Variants in CCDC91 observed in about 807,000 individuals in gnomAD.
The protein encoded by CCDC91 is coiled-coil domain-containing protein 91.
A neutral mutation model predicts 63.2 loss-of-function variants in CCDC91; 48 were observed. That is an observed-to-expected ratio of 0.76 (90% confidence interval 0.60 to 0.97). The LOEUF (loss-of-function observed/expected upper bound fraction) is 0.97. CCDC91 is among the 50% of genes least tolerant of loss of function. The pLI is 0.00. For synonymous variants in CCDC91, 167 were observed against 165.8 expected (o/e 1.01, Z -0.06); for missense variants, 500 against 494.6 (o/e 1.01, Z -0.10).
intron 12 of CCDC91, among the ~76,000 whole-genome samples, chr12:28,502,241 A>G (rs894937033): frequency 5.3e-5 from 8 of 151,928 alleles, no homozygotes; most frequent in African/African-American, 1.9e-4. Context: ...AAGTCTCAGG[A>G]TACAAAATCA....
intron 1 of CCDC91, among the ~76,000 whole-genome samples, chr12:28,199,588 G>A (rs1212946928): frequency 2.0e-5 from 3 of 152,042 alleles, no homozygotes; most frequent in African/African-American, 4.8e-5. Flanking sequence ...TGTCCTTTCA[G>A]TTCAGCCTGA....
intron 1 of CCDC91, among the ~76,000 whole-genome samples, chr12:28,238,096 G>T (rs948748912): frequency 5.9e-5 from 9 of 152,026 alleles, no homozygotes; most frequent in Admixed American, 2.0e-4. Context: ...TATAAAGAAA[G>T]ATATATTTGT....
At chr12:28,277,445 C>A (rs1386642981) in intron 3 of CCDC91, among the ~76,000 whole-genome samples, 3 of 151,910 alleles carry the variant, frequency 2.0e-5, no homozygotes, top group Non-Finnish European at 4.4e-5. Flanking sequence ...TGGTAAGTAC[C>A]ATTATAGGTT....
At chr12:28,370,494 T>C (rs1436673903) in intron 7 of CCDC91, among the ~76,000 whole-genome samples, 2 of 152,214 alleles carry the variant, frequency 1.3e-5, no homozygotes, top group East Asian at 3.8e-4. Flanking sequence ...GTCAAAACCA[T>C]TCAACAAGTC....
In CCDC91 at chr12:28,394,267, C is replaced by G. The variant is rs374348297; in HGVS notation, c.762+2856C>G. On this transcript the variant is annotated intron_variant, in intron 8 of 12. Coordinates refer to ENST00000536442, the MANE Select transcript of CCDC91 (RefSeq NM_018318.5). ...CGATCACAAGGTCAGAAGATTGAGA[C>G]CATCCTGGCTAACAGGGTGAAACCC... Among the ~76,000 whole-genome samples the G allele has an allele frequency of 7.9e-4, 121 of 152,210 alleles. No individual in the cohort carries two copies. The South Asian group carries it at 0.012, about 15-fold the overall frequency.
chr12:28,480,382 T>C (rs1386274957), intron 11 of CCDC91, among the ~76,000 whole-genome samples: 2 of 151,992 alleles, frequency 1.3e-5, no homozygotes, highest in Non-Finnish European at 2.9e-5. Context: ...TAAGATCTCT[T>C]TTAGTGTATG....
intron 11 of CCDC91, among the ~76,000 whole-genome samples, chr12:28,453,700 C>T (rs1379746831): frequency 6.6e-6 from 1 of 151,754 alleles, no homozygotes; most frequent in Admixed American, 6.6e-5. Context: ...CTTACCGTAA[C>T]CTATCAATAA....
At chr12:28,254,259 A>G (rs988474213) in intron 1 of CCDC91, among the ~76,000 whole-genome samples, 2 of 152,198 alleles carry the variant, frequency 1.3e-5, no homozygotes, top group African/African-American at 4.8e-5. Flanking sequence ...ATTATAATGA[A>G]GTATACACCT....
intron 12 of CCDC91, among the ~76,000 whole-genome samples, chr12:28,541,661 G>A (rs527900836): frequency 3.8e-4 from 58 of 151,818 alleles, no homozygotes; most frequent in Non-Finnish European, 6.3e-4. Context: ...ATTTAGAAAA[G>A]ACTATCCAAC....
At chr12:28,367,261 A>G (rs1367799271) in intron 7 of CCDC91, among the ~76,000 whole-genome samples, 1 of 152,210 alleles carries the variant, frequency 6.6e-6, no homozygotes, top group Non-Finnish European at 1.5e-5. Context: ...CAATGTGAAA[A>G]CAGAAAATAC....
At chr12:28,304,375 T>TAAAAAAAAAAAAAAAAAAA (rs777296414) in intron 3 of CCDC91, among the ~76,000 whole-genome samples, 3 of 73,584 alleles carry the variant, frequency 4.1e-5, no homozygotes, top group African/African-American at 5.9e-5. Context: ...AGACTCCGTC[T>TAAAAAAAAAAAAAAAAAAA]AAAAAAAAAA....
At chr12:28,488,289 G>T (rs1951826305) in intron 12 of CCDC91, among the ~76,000 whole-genome samples, 1 of 151,690 alleles carries the variant, frequency 6.6e-6, no homozygotes, top group Non-Finnish European at 1.5e-5. Flanking sequence ...ACCTGTACAT[G>T]TACTAATTAA....
At chr12:28,279,644 T>C (rs183775252) in intron 3 of CCDC91, among the ~76,000 whole-genome samples, 42 of 152,238 alleles carry the variant, frequency 2.8e-4, no homozygotes, top group African/African-American at 9.9e-4. Flanking sequence ...CTTTCAATTA[T>C]GATTTTGTAA....
At chr12:28,449,366 G>A (rs1274288151) in intron 8 of CCDC91, among the ~76,000 whole-genome samples, 1 of 151,998 alleles carries the variant, frequency 6.6e-6, no homozygotes, top group Non-Finnish European at 1.5e-5. Flanking sequence ...TTTAATAACT[G>A]AATGAAAAAT....
At chr12:28,289,273 A>C (rs997366783) in intron 3 of CCDC91, among the ~76,000 whole-genome samples, 62 of 151,814 alleles carry the variant, frequency 4.1e-4, no homozygotes, top group African/African-American at 1.5e-3. Context: ...TTGTGATGTT[A>C]GGTTGTTAAA....
At chr12:28,426,366 AG>A (rs1234457340) in intron 8 of CCDC91, among the ~76,000 whole-genome samples, 2 of 152,274 alleles carry the variant, frequency 1.3e-5, no homozygotes, top group South Asian at 2.1e-4. Flanking sequence ...CATTAATTTT[AG>A]AAAATTTGTG....
intron 3 of CCDC91, chr12:28,302,667 G>C: frequency 1.0e-6 from 1 of 983,038 alleles, no homozygotes; most frequent in Non-Finnish European, 1.2e-6. Flanking sequence ...TTAGCACTTA[G>C]TGGTATCATT....
At chr12:28,532,221 G>A (rs1433710330) in intron 12 of CCDC91, among the ~76,000 whole-genome samples, 1 of 152,080 alleles carries the variant, frequency 6.6e-6, no homozygotes, top group African/African-American at 2.4e-5. Context: ...AGTAAAAAAG[G>A]TGATGGCCCA....
chr12:28,361,978 G>A (rs374146469), intron 6 of CCDC91, among the ~76,000 whole-genome samples: 1 of 152,082 alleles, frequency 6.6e-6, no homozygotes, highest in East Asian at 1.9e-4. Context: ...TGGAAAGATT[G>A]TAGGATGTTA....
Sources: allele counts gnomAD v4.1 joint callset (sites outside exome capture counted in the v4.1 genomes callset), GRCh38; gene constraint gnomAD v4.1.1; transcripts MANE v1.5; gene names NCBI Gene and HGNC (gene_info 2026-07-23, HGNC 2026-07-21).